Variants in EGF observed in about 807,000 individuals in gnomAD.
EGF encodes epidermal growth factor.
A neutral mutation model predicts 143.8 loss-of-function variants in EGF; 95 were observed. That is an observed-to-expected ratio of 0.66 (90% CI 0.56 to 0.78). EGF has a LOEUF of 0.78. Among genes scored for constraint, EGF ranks in the 30% least tolerant of loss-of-function variants. The pLI is 0.00. For synonymous variants in EGF, 510 were observed against 510.5 expected (o/e 1.00, Z 0.01); for missense variants, 1,320 against 1,470.9 (o/e 0.90, Z 1.68).
chr4:109,954,979 A>T (rs1030683320), intron 5 of EGF, among the ~76,000 whole-genome samples: 5 of 152,238 alleles, frequency 3.3e-5, no homozygotes, highest in Non-Finnish European at 7.3e-5. Context: ...TTATGTGCTA[A>T]ATATTGGGGA....
At chr4:109,970,709 C>T (rs578193059) in intron 11 of EGF, among the ~76,000 whole-genome samples, 2 of 151,344 alleles carry the variant, frequency 1.3e-5, no homozygotes, top group South Asian at 4.2e-4. Flanking sequence ...CCTGTAGTCC[C>T]AGCTACTCAG....
At chr4:110,004,171 T>C in intron 21 of EGF, 1 of 378,556 alleles carries the variant, frequency 2.6e-6, no homozygotes. Flanking sequence ...TACCTGTGAA[T>C]GAATGAATGC....
At chr4:109,941,778 T>A (rs1741974370) in intron 2 of EGF, among the ~76,000 whole-genome samples, 1 of 152,158 alleles carries the variant, frequency 6.6e-6, no homozygotes, top group Non-Finnish European at 1.5e-5. Context: ...TCACAGAGCT[T>A]GCACTCCGCA....
chr4:109,959,212 C>T lies in EGF; in HGVS notation c.941-100C>T, dbSNP rs190546461. The T allele has an allele frequency of 2.3e-3, 3,665 of 1,561,566 alleles. 7 individuals are homozygous for T. The highest frequency in any genetic ancestry group is 3.0e-3 in the Non-Finnish European group (3,406 of 1,146,274). ...CCTCCGTGAGAGATGCAGCTGTAGACGTTGTAGGGAGGTAAGACCTCTTAA... is the reference window on the plus strand; with the variant it reads ...CCTCCGTGAGAGATGCAGCTGTAGATGTTGTAGGGAGGTAAGACCTCTTAA... On this transcript the variant is annotated intron_variant, in intron 5 of 23. Coordinates refer to ENST00000265171, the MANE Select transcript of EGF (RefSeq NM_001963.6).
intron 13 of EGF, among the ~76,000 whole-genome samples, chr4:109,976,501 A>G (rs890359811): frequency 6.6e-6 from 1 of 152,320 alleles, no homozygotes; most frequent in Non-Finnish European, 1.5e-5. Context: ...TCCTTTAGGA[A>G]TAAGAACTTG....
chr4:109,941,549 T>C (rs763279806), intron 2 of EGF, among the ~76,000 whole-genome samples: 4 of 151,884 alleles, frequency 2.6e-5, no homozygotes, highest in Admixed American at 6.6e-5. Context: ...CACAAGTAGG[T>C]GAGGTAGGAA....
At chr4:109,921,964 T>A (rs187285755) in intron 1 of EGF, among the ~76,000 whole-genome samples, 1 of 151,678 alleles carries the variant, frequency 6.6e-6, no homozygotes, top group Admixed American at 6.5e-5. Context: ...GGCCTTCCCT[T>A]ACGAGGTTTA....
chr4:109,946,262 C>G (rs1371569994), intron 5 of EGF, among the ~76,000 whole-genome samples: 2 of 152,198 alleles, frequency 1.3e-5, no homozygotes, highest in Non-Finnish European at 2.9e-5. Context: ...TCCATTCACT[C>G]CCCTACATAA....
intron 5 of EGF, among the ~76,000 whole-genome samples, chr4:109,951,404 C>T (rs1241186280): frequency 6.6e-6 from 1 of 151,962 alleles, no homozygotes; most frequent in Non-Finnish European, 1.5e-5. Flanking sequence ...AATTCTTTGG[C>T]ACTCTATCTC....
chr4:109,941,094 T>C lies in EGF; in HGVS notation c.276T>C (p.Asp92=). ...HYNEKRIYWV[D]LERQLLQRVF... is the part of the protein sequence containing the mutation. ...ATGAGAAAAGAATCTATTGGGTGGA[T>C]TTAGAAAGACAACTTTTGCAAAGAG... Residue 92 remains aspartate (D), a synonymous_variant, in exon 2 of 24, where the codon GAT becomes GAC. Transcript: ENST00000265171. 2 of 1,614,006 alleles carry C rather than the reference T, an allele frequency of 1.2e-6. No individual in the cohort carries two copies. Among genetic ancestry groups the C allele is most frequent in the Non-Finnish European group, 1.7e-6 (2 of 1,179,952 alleles).
chr4:109,966,038 A>AT (rs372873582), intron 10 of EGF, among the ~76,000 whole-genome samples: 12,574 of 150,416 alleles, frequency 0.084, 604 homozygotes, highest in East Asian at 0.19. Flanking sequence ...TCTTTAAAAA[A>AT]ATATATATAT....
Position 109,974,683 on chromosome 4 carries a change from T to G in EGF, c.1725-20T>G. 3 of 1,581,804 alleles carry G rather than the reference T, an allele frequency of 1.9e-6. No homozygotes were observed. The highest frequency in any genetic ancestry group is 2.6e-6 in the Non-Finnish European group (3 of 1,151,078). On this transcript the variant is annotated intron_variant, in intron 11 of 23. Coordinates refer to ENST00000265171, the MANE Select transcript of EGF (RefSeq NM_001963.6). ...AGTAAAGGTGTTATAACAAACTCCC[T>G]TATTTTGCACATATTTTAGGAAATC...
chr4:110,004,540 C>T lies in EGF; in HGVS notation c.3209C>T (p.Pro1070Leu), dbSNP rs121434567. ...QKLLSKNPKNPYEESSRDVRS... is the reference protein window; with the variant it reads ...QKLLSKNPKNLYEESSRDVRS... ...CTGCTATCGAAAAACCCAAAGAATC[C>T]TTATGAGGAGTCGAGCAGAGATGTG... Residue 1070 changes from proline to leucine, a missense_variant, in exon 22 of 24, where the codon CCT becomes CTT. This residue lies in a region of EGF where 1,186 missense variants were observed against 1,313.7 expected (regional missense o/e 0.90). Transcript: ENST00000265171. 13 of 1,614,052 alleles carry T rather than the reference C, an allele frequency of 8.1e-6. No individual in the cohort carries two copies. In the African/African-American group the frequency reaches 9.3e-5, roughly 12 times the overall value.
intron 23 of EGF, 67 bp downstream of exon 23, chr4:110,008,297 A>T (rs1753584084): frequency 6.3e-7 from 1 of 1,575,284 alleles, no homozygotes; most frequent in South Asian, 1.1e-5. Context: ...TTTTTCAATG[A>T]AAAGTCTCAT....
Position 110,012,322 on chromosome 4 carries a change from T to A in EGF, c.*867T>A, listed in dbSNP as rs562266122. ...ATTATAGTCTAAGGCAGTACTAGAGTTGAACCAAAATGATTTGTCAAGCTT... is the reference window on the plus strand; with the variant it reads ...ATTATAGTCTAAGGCAGTACTAGAGATGAACCAAAATGATTTGTCAAGCTT... On this transcript the variant is annotated 3_prime_UTR_variant, in exon 24 of 24. Coordinates refer to ENST00000265171, the MANE Select transcript of EGF (RefSeq NM_001963.6). 6.6e-6 allele frequency: 1 copy of A among 152,070 alleles called. No homozygotes were observed. Among genetic ancestry groups the A allele is most frequent in the African/African-American group, 2.4e-5 (1 of 41,516 alleles). The allele number at this position is 152,070 out of a possible 1,614,324, so 9.4% of individuals were successfully genotyped here. A position where few individuals can be genotyped will look rare whatever the true frequency, so the allele number is the denominator to read the frequency against.
intron 1 of EGF, among the ~76,000 whole-genome samples, chr4:109,935,089 T>A (rs541872432): frequency 6.6e-6 from 1 of 152,352 alleles, no homozygotes; most frequent in East Asian, 1.9e-4. Flanking sequence ...TTTTTTCCAA[T>A]TCTGTGAAGA....
At chr4:109,972,195 C>T (rs1387106411) in intron 11 of EGF, among the ~76,000 whole-genome samples, 1 of 152,088 alleles carries the variant, frequency 6.6e-6, no homozygotes, top group African/African-American at 2.4e-5. Context: ...AAAGGTGATG[C>T]TTGAACTCCC....
chr4:109,961,784 G>T, intron 7 of EGF, 79 bp from the exon 8 acceptor site: 2 of 1,580,602 alleles, frequency 1.3e-6, no homozygotes, highest in Non-Finnish European at 1.7e-6. Context: ...GGATCACCTG[G>T]CAATATTAGC....
chr4:109,996,742 G>A (rs1751843325), intron 20 of EGF, among the ~76,000 whole-genome samples: 1 of 152,176 alleles, frequency 6.6e-6, no homozygotes, highest in Non-Finnish European at 1.5e-5. Flanking sequence ...GTGCCCCCGG[G>A]GTGATGCAGA....
Sources: gnomAD v4.1 joint callset for allele counts (sites outside exome capture counted in the v4.1 genomes callset) on GRCh38, gnomAD v4.1.1 for gene constraint, gnomAD v4.1.1 regional missense constraint, MANE v1.5 for transcripts, NCBI Gene and HGNC (gene_info 2026-07-23, HGNC 2026-07-21) for gene names.